PCDH9: variants seen among roughly 807,000 people sequenced by gnomAD.
The protein encoded by PCDH9 is protocadherin-9.
A neutral mutation model predicts 70.6 loss-of-function variants in PCDH9; 24 were observed. The observed-to-expected ratio is 0.34, with a 90% confidence interval of 0.25 to 0.48. The LOEUF is 0.48. PCDH9 is among the 20% of genes least tolerant of loss of function. PCDH9 has a pLI of 0.99. For synonymous variants in PCDH9, 562 were observed against 558.5 expected (o/e 1.01, Z -0.09); for missense variants, 1,281 against 1,503.6 (o/e 0.85, Z 2.45).
intron 4 of PCDH9, among the ~76,000 whole-genome samples, chr13:66,436,372 A>C (rs1485920176): frequency 6.6e-6 from 1 of 152,204 alleles, no homozygotes; most frequent in Non-Finnish European, 1.5e-5. Context: ...TGGACTTCCC[A>C]GCCTTCAGAA....
At chr13:66,472,035 A>AC (rs1958628509) in intron 4 of PCDH9, among the ~76,000 whole-genome samples, 1 of 151,408 alleles carries the variant, frequency 6.6e-6, no homozygotes, top group Admixed American at 6.6e-5. Flanking sequence ...TCATGGTGAA[A>AC]CCCCGTCTCT....
intron 3 of PCDH9, among the ~76,000 whole-genome samples, chr13:66,750,131 T>C (rs780611018): frequency 1.2e-4 from 18 of 152,048 alleles, no homozygotes; most frequent in Non-Finnish European, 2.4e-4. Context: ...AGGAGTAAGA[T>C]ATCTTATTTC....
intron 4 of PCDH9, among the ~76,000 whole-genome samples, chr13:66,460,718 A>G (rs896885571): frequency 1.3e-5 from 2 of 151,816 alleles, no homozygotes; most frequent in South Asian, 4.1e-4. Context: ...GAGTCAGTGG[A>G]GAGACAAGTA....
chr13:66,889,209 T>C (rs1350595161), intron 3 of PCDH9, among the ~76,000 whole-genome samples: 1 of 152,238 alleles, frequency 6.6e-6, no homozygotes, highest in Non-Finnish European at 1.5e-5. Context: ...GAGAAAGTCC[T>C]GATTACTGTG....
Position 66,304,511 on chromosome 13 carries a change from G to T in PCDH9, c.*144C>A. The T allele has an allele frequency of 1.5e-6, 1 of 661,846 alleles. No homozygotes were observed. Among genetic ancestry groups the T allele is most frequent in the Admixed American group, 2.5e-5 (1 of 39,336 alleles). The allele number at this position is 661,846 out of a possible 1,614,324, so 41.0% of individuals were successfully genotyped here. ...TTCTCTCATATGTTGCAAAAACATT[G>T]TATTCTCCATGGTGCTAACACAAAG... On this transcript the variant is annotated 3_prime_UTR_variant, in exon 5 of 5. Coordinates refer to ENST00000377865, the MANE Select transcript of PCDH9 (RefSeq NM_203487.3).
intron 4 of PCDH9, among the ~76,000 whole-genome samples, chr13:66,331,039 T>A (rs941220947): frequency 2.6e-5 from 4 of 152,180 alleles, no homozygotes; most frequent in African/African-American, 9.7e-5. Flanking sequence ...GGATCCTGAT[T>A]AGGAGTCAGT....
At chr13:67,048,846 C>T (rs1335191797) in intron 2 of PCDH9, among the ~76,000 whole-genome samples, 1 of 152,178 alleles carries the variant, frequency 6.6e-6, no homozygotes, top group East Asian at 1.9e-4. Flanking sequence ...ATTAAATCTA[C>T]TGCTGGGGTT....
chr13:66,843,534 G>A (rs964638709), intron 3 of PCDH9, among the ~76,000 whole-genome samples: 2 of 152,160 alleles, frequency 1.3e-5, no homozygotes, highest in African/African-American at 4.8e-5. Flanking sequence ...ATTTGCTCCG[G>A]ACAAACGTCT....
At chr13:66,951,946 G>C (rs948125917) in intron 2 of PCDH9, among the ~76,000 whole-genome samples, 1 of 152,084 alleles carries the variant, frequency 6.6e-6, no homozygotes, top group Non-Finnish European at 1.5e-5. Context: ...AACATGGGGG[G>C]TGTTGTAATT....
chr13:66,320,954 C>T (rs576744623), intron 4 of PCDH9, among the ~76,000 whole-genome samples: 5 of 152,086 alleles, frequency 3.3e-5, no homozygotes, highest in East Asian at 1.9e-4. Flanking sequence ...CTTTTCCTTT[C>T]GGAGTGTTTT....
At chr13:67,110,116 C>T (rs1182056167) in intron 2 of PCDH9, among the ~76,000 whole-genome samples, 1 of 151,824 alleles carries the variant, frequency 6.6e-6, no homozygotes, top group Non-Finnish European at 1.5e-5. Context: ...TCTAAGTAAG[C>T]TGACATTTTT....
chr13:66,708,403 G>GTTTTT (rs36087870), intron 3 of PCDH9, among the ~76,000 whole-genome samples: 65 of 136,914 alleles, frequency 4.7e-4, no homozygotes, highest in Non-Finnish European at 5.7e-4. Flanking sequence ...TTGAGATTTA[G>GTTTTT]TTTTTTTTTT....
chr13:66,462,114 T>C (rs1253499100), intron 4 of PCDH9, among the ~76,000 whole-genome samples: 1 of 151,820 alleles, frequency 6.6e-6, no homozygotes. Context: ...ATTTACACTA[T>C]GGAAATTGGC....
At chr13:66,341,109 A>G (rs1255965121) in intron 4 of PCDH9, among the ~76,000 whole-genome samples, 3 of 152,000 alleles carry the variant, frequency 2.0e-5, no homozygotes, top group Non-Finnish European at 4.4e-5. Flanking sequence ...GCTTTATTTT[A>G]TTTATTTTTT....
At position 66,396,271 on chromosome 13, in the gene PCDH9, G is replaced by T. The variant is rs556021686; in HGVS notation, c.3341-91243C>A. Among the ~76,000 whole-genome samples the T allele has an allele frequency of 1.8e-4, 27 of 152,232 alleles. 1 individual carries two copies. The South Asian group carries it at 2.5e-3, about 14-fold the overall frequency. ...ATGGGTTATAATTCTTATTGTTATAGAACTCTTTTCAACTCCCCTTTATGA... is the reference window on the plus strand; with the variant it reads ...ATGGGTTATAATTCTTATTGTTATATAACTCTTTTCAACTCCCCTTTATGA... On this transcript the variant is annotated intron_variant, in intron 4 of 4. Coordinates refer to ENST00000377865, the MANE Select transcript of PCDH9 (RefSeq NM_203487.3).
chr13:66,403,908 G>A (rs1413376364), intron 4 of PCDH9, among the ~76,000 whole-genome samples: 4 of 152,130 alleles, frequency 2.6e-5, no homozygotes, highest in Admixed American at 6.5e-5. Context: ...GGAACAAAAT[G>A]AATAGTCCAC....
chr13:66,968,854 C>T (rs1422724019), intron 2 of PCDH9, among the ~76,000 whole-genome samples: 2 of 152,038 alleles, frequency 1.3e-5, no homozygotes, highest in East Asian at 3.9e-4. Context: ...GTGTGCTATT[C>T]ACATTTTTTA....
intron 2 of PCDH9, among the ~76,000 whole-genome samples, chr13:66,925,811 G>C (rs981368070): frequency 6.6e-6 from 1 of 151,908 alleles, no homozygotes; most frequent in Non-Finnish European, 1.5e-5. Context: ...TTTGTAAAGT[G>C]AATTTTTGCC....
chr13:66,681,875 A>G (rs1566502361), intron 3 of PCDH9, among the ~76,000 whole-genome samples: 1 of 151,220 alleles, frequency 6.6e-6, no homozygotes, highest in East Asian at 1.9e-4. Flanking sequence ...GCATTTCACA[A>G]ATATCTGTGG....
Sources: allele counts gnomAD v4.1 joint callset (sites outside exome capture counted in the v4.1 genomes callset), GRCh38; gene constraint gnomAD v4.1.1; transcripts MANE v1.5; gene names NCBI Gene and HGNC (gene_info 2026-07-23, HGNC 2026-07-21).